Variants in GPC5 observed in about 807,000 individuals in gnomAD.
GPC5 encodes the protein glypican 5.
GPC5 carries 47 observed loss-of-function variants against 53.9 expected under a neutral mutation model. The ratio of observed to expected loss-of-function variants is 0.87; its 90% CI spans 0.69 to 1.11. The LOEUF (loss-of-function observed/expected upper bound fraction) is 1.11. Among genes scored for constraint, GPC5 ranks in the 50% most tolerant of loss-of-function variants. The pLI is 0.00. For missense variants in GPC5, 748 were observed against 713.1 expected, an observed-to-expected ratio of 1.05 and a Z score of -0.56; for synonymous variants, 286 against 263.3, an observed-to-expected ratio of 1.09 and a Z score of -0.84.
At chr13:91,441,247 T>C (rs1312059936) in intron 1 of GPC5, among the ~76,000 whole-genome samples, 1 of 152,204 alleles carries the variant, frequency 6.6e-6, no homozygotes, top group Non-Finnish European at 1.5e-5. Flanking sequence ...AGACCCTTTT[T>C]GTTTTTTGGA....
intron 7 of GPC5, among the ~76,000 whole-genome samples, chr13:92,234,639 G>C (rs1594022172): frequency 6.6e-6 from 1 of 152,056 alleles, no homozygotes; most frequent in Non-Finnish European, 1.5e-5. Flanking sequence ...GGGGTGCATT[G>C]TAAAACTAGT....
In GPC5 at chr13:92,527,257, A is replaced by AAG. The variant is rs1283426444; in HGVS notation, c.1562-339023_1562-339022dup. Among the ~76,000 whole-genome samples the AAG allele has an allele frequency of 4.6e-3, 419 of 90,786 alleles. 2 individuals carry two copies. The highest frequency in any genetic ancestry group is 7.4e-3 in the African/African-American group (122 of 16,424). 59.6% of individuals were successfully genotyped at this position (90,786 alleles called of 152,430 possible). A position where few individuals can be genotyped will look rare whatever the true frequency, so the allele number is the denominator to read the frequency against. The stretch of plus-strand genomic sequence containing the variant: ...AGAAAGAAAGAAAGAAAGAGAAAGA[A>AAG]AGAAAGAAAGAAAGAAAGAAAGAAA... On this transcript the variant is annotated intron_variant, in intron 7 of 7. Transcript: ENST00000377067.
intron 2 of GPC5, among the ~76,000 whole-genome samples, chr13:91,457,932 T>C (rs1195824189): frequency 5.3e-5 from 8 of 152,126 alleles, no homozygotes; most frequent in Admixed American, 5.2e-4. Flanking sequence ...CAAAGATCCC[T>C]GTCTTGATAG....
At chr13:92,385,435 T>TACATATATAC (rs2043790164) in intron 7 of GPC5, among the ~76,000 whole-genome samples, 5 of 81,764 alleles carry the variant, frequency 6.1e-5, no homozygotes, top group African/African-American at 2.3e-4. Context: ...TATACATATA[T>TACATATATAC]ACATATATAC....
rs184702624 is a variant in GPC5 at position 92,546,711 on chromosome 13, T to A, written c.1562-319571T>A. ...ACAAAAAAGAGCCCACATTGCCAAG[T>A]CAATCCTAAGCCAAAAGAACAAAGC... On this transcript the variant is annotated intron_variant, in intron 7 of 7. Transcript: ENST00000377067. 9.2e-5 allele frequency among the ~76,000 whole-genome samples: 14 copies of A among 152,222 alleles called. No individual in the cohort carries two copies. The East Asian group carries it at 2.3e-3, about 25-fold the overall frequency.
At chr13:92,264,187 T>TA (rs1449519179) in intron 7 of GPC5, among the ~76,000 whole-genome samples, 2 of 152,164 alleles carry the variant, frequency 1.3e-5, no homozygotes, top group African/African-American at 4.8e-5. Flanking sequence ...TATGCTAGTC[T>TA]AAATTATCAG....
At chr13:92,264,159 C>T (rs1566509633) in intron 7 of GPC5, among the ~76,000 whole-genome samples, 2 of 151,964 alleles carry the variant, frequency 1.3e-5, no homozygotes, top group African/African-American at 2.4e-5. Context: ...ACTATCAACC[C>T]TATGATATTC....
chr13:92,005,844 T>C (rs1396235126), intron 6 of GPC5, among the ~76,000 whole-genome samples: 1 of 152,182 alleles, frequency 6.6e-6, no homozygotes, highest in East Asian at 1.9e-4. Flanking sequence ...CCTGAGTTTA[T>C]ATCATTATTG....
At chr13:92,029,615 T>G (rs192429000) in intron 6 of GPC5, among the ~76,000 whole-genome samples, 2 of 152,224 alleles carry the variant, frequency 1.3e-5, no homozygotes, top group Admixed American at 6.5e-5. Context: ...CTTCTCCATT[T>G]GTTTCTCTAG....
chr13:92,507,728 T>A (rs544697140), intron 7 of GPC5, among the ~76,000 whole-genome samples: 5 of 152,268 alleles, frequency 3.3e-5, no homozygotes, highest in African/African-American at 1.2e-4. Context: ...AATGTCAAGG[T>A]GCCTTTATTT....
chr13:92,151,883 A>G (rs1443463102), intron 7 of GPC5, among the ~76,000 whole-genome samples: 2 of 152,198 alleles, frequency 1.3e-5, no homozygotes, highest in Non-Finnish European at 2.9e-5. Context: ...AATACTTCAT[A>G]GAGGAGACAG....
At chr13:92,411,639 T>C (rs1876047384) in intron 7 of GPC5, among the ~76,000 whole-genome samples, 1 of 152,280 alleles carries the variant, frequency 6.6e-6, no homozygotes, top group South Asian at 2.1e-4. Context: ...TCAATTAATC[T>C]CAGTAATTTT....
intron 7 of GPC5, among the ~76,000 whole-genome samples, chr13:92,673,094 A>G (rs998631763): frequency 3.3e-5 from 5 of 152,172 alleles, no homozygotes; most frequent in African/African-American, 1.2e-4. Flanking sequence ...TAAGTTTTAT[A>G]TTGATATCAA....
intron 6 of GPC5, among the ~76,000 whole-genome samples, chr13:92,052,408 A>G (rs960154900): frequency 2.6e-5 from 4 of 152,274 alleles, no homozygotes; most frequent in Non-Finnish European, 4.4e-5. Context: ...GCGAAAGAAC[A>G]AAGTGTCCAC....
At chr13:91,911,072 C>T (rs1212472578) in intron 6 of GPC5, among the ~76,000 whole-genome samples, 5 of 151,948 alleles carry the variant, frequency 3.3e-5, no homozygotes, top group East Asian at 1.9e-4. Context: ...GAAAAGTAGG[C>T]GCAAAGGTCT....
intron 5 of GPC5, among the ~76,000 whole-genome samples, chr13:91,837,377 T>C (rs1566295321): frequency 1.3e-5 from 2 of 152,130 alleles, no homozygotes; most frequent in Admixed American, 1.3e-4. Flanking sequence ...ATCACCTTTA[T>C]GCTTGTTAGA....
At chr13:92,200,809 A>T (rs190498857) in intron 7 of GPC5, among the ~76,000 whole-genome samples, 2 of 152,352 alleles carry the variant, frequency 1.3e-5, no homozygotes, top group Admixed American at 1.3e-4. Flanking sequence ...ATTAAATCAA[A>T]AACTGTAACT....
At chr13:92,372,721 T>C (rs1004897080) in intron 7 of GPC5, among the ~76,000 whole-genome samples, 4 of 152,148 alleles carry the variant, frequency 2.6e-5, no homozygotes, top group South Asian at 4.1e-4. Context: ...TTGAGGCCAA[T>C]TGTATTGGGA....
intron 7 of GPC5, among the ~76,000 whole-genome samples, chr13:92,379,481 C>T (rs991872590): frequency 3.3e-5 from 5 of 152,110 alleles, no homozygotes; most frequent in African/African-American, 1.2e-4. Context: ...TCTCTGTCCT[C>T]TGCACGTTAG....
Sources: allele counts gnomAD v4.1 joint callset (sites outside exome capture counted in the v4.1 genomes callset), GRCh38; gene constraint gnomAD v4.1.1; transcripts MANE v1.5; gene names NCBI Gene and HGNC (gene_info 2026-07-23, HGNC 2026-07-21).